Variants in PRKACB observed in about 807,000 individuals in gnomAD.
PRKACB encodes cAMP-dependent protein kinase catalytic subunit beta.
In PRKACB, 16 loss-of-function variants were observed where a neutral mutation model predicts 51.4. The ratio of observed to expected loss-of-function variants is 0.31; its 90% CI spans 0.21 to 0.47. PRKACB has a LOEUF of 0.47. PRKACB is among the 20% of genes least tolerant of loss of function. PRKACB has a pLI of 1.00. For synonymous variants in PRKACB, 147 were observed against 154.4 expected (o/e 0.95, Z 0.35); for missense variants, 309 against 464.5 (o/e 0.67, Z 3.08).
At chr1:84,151,343 A>C (rs576425487) in intron 1 of PRKACB, among the ~76,000 whole-genome samples, 2 of 152,194 alleles carry the variant, frequency 1.3e-5, no homozygotes, top group Non-Finnish European at 2.9e-5. Context: ...AGCATTTCCC[A>C]ATTTTTTTGC....
rs1363057423 is a variant in PRKACB at position 84,186,224 on chromosome 1, TG to T, written c.560+1044del. 1.2e-3 allele frequency among the ~76,000 whole-genome samples: 7 copies of T among 5,624 alleles called. No individual in the cohort carries two copies. The South Asian group carries it at 0.14, about 110-fold the overall frequency. 3.7% of individuals were successfully genotyped at this position (5,624 alleles called of 152,430 possible). On this transcript the variant is annotated intron_variant, in intron 5 of 9. Coordinates refer to ENST00000370685, the MANE Select transcript of PRKACB (RefSeq NM_182948.4). ...AAAATATAATTTTTTTGTTTGTTTT[TG>T]GTTTTTTTTTTGAGACTGAGTCTCC...
At chr1:84,106,655 A>G (rs971447176) in intron 1 of PRKACB, among the ~76,000 whole-genome samples, 2 of 152,170 alleles carry the variant, frequency 1.3e-5, no homozygotes, top group African/African-American at 4.8e-5. Flanking sequence ...GGAAGAATCA[A>G]TATGGTTAAA....
chr1:84,139,796 C>T (rs1002454150), upstream of PRKACB, among the ~76,000 whole-genome samples: 1 of 152,202 alleles, frequency 6.6e-6, no homozygotes, highest in African/African-American at 2.4e-5. Flanking sequence ...CTGTGGCTTA[C>T]GCCTGTAATC....
rs553790034 is a variant in PRKACB at position 84,151,248 on chromosome 1, A to G, written c.187+6700A>G. 2.0e-5 allele frequency among the ~76,000 whole-genome samples: 3 copies of G among 152,310 alleles called. No individual in the cohort carries two copies. The East Asian group carries it at 5.8e-4, about 29-fold the overall frequency. On this transcript the variant is annotated intron_variant, in intron 1 of 9. Coordinates refer to ENST00000370685, the MANE Select transcript of PRKACB (RefSeq NM_182948.4). ...TACTCTATAGTCTATTCAGTGTGCA[A>G]TAACATTATATCTTTTTAAAAGTAC...
intron 9 of PRKACB, among the ~76,000 whole-genome samples, chr1:84,234,448 C>T (rs1433682128): frequency 2.6e-5 from 4 of 152,190 alleles, no homozygotes; most frequent in South Asian, 2.1e-4. Flanking sequence ...CCACCCAGTT[C>T]GAGCTTCCCA....
intron 8 of PRKACB, 66 bp from the exon 9 acceptor site, chr1:84,214,087 T>A: frequency 7.0e-7 from 1 of 1,437,818 alleles, no homozygotes; most frequent in Non-Finnish European, 9.2e-7. Context: ...AAAAACTTTA[T>A]GAAATCAAAA....
intron 1 of PRKACB, among the ~76,000 whole-genome samples, chr1:84,120,853 C>CA (rs1041877225): frequency 6.6e-5 from 10 of 152,032 alleles, no homozygotes; most frequent in African/African-American, 2.4e-4. Context: ...CTCCCACCTC[C>CA]ACCTTCTGGT....
chr1:84,149,194 A>G (rs1374297728), intron 1 of PRKACB, among the ~76,000 whole-genome samples: 1 of 152,228 alleles, frequency 6.6e-6, no homozygotes, highest in African/African-American at 2.4e-5. Flanking sequence ...ATTCTGCCAA[A>G]AGGTAATGAC....
At chr1:84,133,022 C>T (rs945650682) in intron 1 of PRKACB, among the ~76,000 whole-genome samples, 2 of 151,784 alleles carry the variant, frequency 1.3e-5, no homozygotes, top group Admixed American at 6.6e-5. Flanking sequence ...GATCCAGGAA[C>T]CTCAGAAAAT....
intron 1 of PRKACB, among the ~76,000 whole-genome samples, chr1:84,106,799 C>T (rs932665681): frequency 2.0e-5 from 3 of 152,240 alleles, no homozygotes; most frequent in Admixed American, 2.0e-4. Flanking sequence ...ATAGCCAAGG[C>T]AATCCTAAGC....
rs1019116693 is a variant in PRKACB, at chr1:84,235,424, G to A, written c.*119G>A. On this transcript the variant is annotated 3_prime_UTR_variant, in exon 10 of 10. Coordinates refer to ENST00000370685, the MANE Select transcript of PRKACB (RefSeq NM_182948.4). The stretch of plus-strand genomic sequence containing the variant: ...CTAGTTCCTTCATTCCAACGACTGA[G>A]TGAGGTCTTTATTGCCATCATCCCG... 2 of 1,357,904 alleles carry A rather than the reference G, an allele frequency of 1.5e-6. No homozygotes were observed. The highest frequency in any genetic ancestry group is 1.5e-5 in the African/African-American group (1 of 67,928). The allele number at this position is 1,357,904 out of a possible 1,614,324, so 84.1% of individuals were successfully genotyped here. A position where few individuals can be genotyped will look rare whatever the true frequency, so the allele number is the denominator to read the frequency against.
intron 1 of PRKACB, among the ~76,000 whole-genome samples, chr1:84,154,582 T>C (rs1395070433): frequency 1.3e-5 from 2 of 152,154 alleles, no homozygotes; most frequent in Admixed American, 6.6e-5. Flanking sequence ...AGCATTGCTC[T>C]GATACCAAAG....
At chr1:84,156,920 T>C (rs1048629976) in intron 1 of PRKACB, among the ~76,000 whole-genome samples, 5 of 152,158 alleles carry the variant, frequency 3.3e-5, no homozygotes, top group South Asian at 2.1e-4. Context: ...TCTGTTGCTT[T>C]ACCTGCCTGG....
At chr1:84,225,683 C>T (rs1031290904) in intron 9 of PRKACB, among the ~76,000 whole-genome samples, 3 of 152,136 alleles carry the variant, frequency 2.0e-5, no homozygotes, top group Non-Finnish European at 4.4e-5. Context: ...GAACTCCAGG[C>T]AGGTCCCTAT....
intron 1 of PRKACB, among the ~76,000 whole-genome samples, chr1:84,093,812 A>C (rs949270825): frequency 6.6e-6 from 1 of 151,862 alleles, no homozygotes; most frequent in African/African-American, 2.4e-5. Flanking sequence ...ATGCTGTTTA[A>C]ATTTTAAATA....
chr1:84,155,045 A>G (rs1385109758), intron 1 of PRKACB, among the ~76,000 whole-genome samples: 1 of 151,734 alleles, frequency 6.6e-6, no homozygotes, highest in Non-Finnish European at 1.5e-5. Flanking sequence ...TTTAGGCAAT[A>G]AATAAATAAA....
At chr1:84,107,502 G>T (rs1649850022) in intron 1 of PRKACB, among the ~76,000 whole-genome samples, 1 of 152,046 alleles carries the variant, frequency 6.6e-6, no homozygotes. Context: ...TGTTTAAAGA[G>T]CTTTTGCATA....
At chr1:84,179,149 A>G in intron 1 of PRKACB, 28 bp from the exon 2 acceptor site, 1 of 1,555,488 alleles carries the variant, frequency 6.4e-7, no homozygotes, top group Admixed American at 1.8e-5. Flanking sequence ...CTTACAAGAT[A>G]AATTTGTTTT....
intron 1 of PRKACB, 25 bp from the exon 2 acceptor site, chr1:84,179,152 T>C (rs1226668081): frequency 6.4e-7 from 1 of 1,562,152 alleles, no homozygotes; most frequent in Non-Finnish European, 8.7e-7. Flanking sequence ...ACAAGATAAA[T>C]TTGTTTTTAT....
Sources: allele counts gnomAD v4.1 joint callset (sites outside exome capture counted in the v4.1 genomes callset), GRCh38; gene constraint gnomAD v4.1.1; transcripts MANE v1.5; gene names NCBI Gene and HGNC (gene_info 2026-07-23, HGNC 2026-07-21).